MYO9A: variants seen among roughly 807,000 people sequenced by gnomAD.
MYO9A encodes myosin IXA.
Under a neutral mutation model 293.3 loss-of-function variants are expected in MYO9A, and 103 were observed. That is an observed-to-expected ratio of 0.35 (90% CI 0.30 to 0.41). The LOEUF (loss-of-function observed/expected upper bound fraction) is 0.41. MYO9A is among the 10% of genes least tolerant of loss of function. The pLI, the probability that MYO9A is intolerant of heterozygous loss-of-function variation, is 1.00. For missense variants in MYO9A, 2,685 were observed against 3,033.0 expected (o/e 0.89, Z 2.69); for synonymous variants, 1,001 against 1,035.7 (o/e 0.97, Z 0.64).
rs1437395082 is a variant in MYO9A at position 71,906,767 on chromosome 15, T to TTTTTC, written c.2686-1762_2686-1761insGAAAA. 1.7e-5 allele frequency among the ~76,000 whole-genome samples: 2 copies of TTTTTC among 117,312 alleles called. 1 individual carries two copies. The highest frequency in any genetic ancestry group is 6.7e-5 in the African/African-American group (2 of 29,820). 77.0% of individuals were successfully genotyped at this position (117,312 alleles called of 152,430 possible). On this transcript the variant is annotated intron_variant, in intron 19 of 41. Transcript: ENST00000356056. Reference sequence around the variant, plus strand: ...TAATATCCATTTCTTTCTTTTTTTTTTTTTTTTTTTTCCTGAGACAGTGTC... The same window carrying TTTTTC: ...TAATATCCATTTCTTTCTTTTTTTTTTTTTCTTTTTTTTTTTCCTGAGACAGTGTC...
chr15:71,893,735 T>C lies in MYO9A; in HGVS notation c.5086A>G (p.Lys1696Glu), dbSNP rs1192717787. 2 of 1,614,048 alleles carry C rather than the reference T, an allele frequency of 1.2e-6. No homozygotes were observed. Among genetic ancestry groups the C allele is most frequent in the South Asian group, 2.2e-5 (2 of 91,082 alleles). ...ALNSKNPQLHKEDEPAWKPVK... is the reference protein window; with the variant it reads ...ALNSKNPQLHEEDEPAWKPVK... ...GGTTTCCATGCTGGTTCATCTTCTT[T>C]ATGGAGTTGAGGATTTTTACTGTTT... The change falls in exon 26 of 42, where the codon AAA (lysine) becomes GAA (glutamate). Residue 1696 changes from lysine to glutamate, a missense_variant. Lys to Glu is a moderately conservative substitution (Grantham distance 56). Coordinates refer to ENST00000356056, the MANE Select transcript of MYO9A (RefSeq NM_006901.4).
At chr15:71,893,809 G>A (rs766235993) in intron 25 of MYO9A, 31 bp from the exon 26 acceptor site, 15 of 1,553,502 alleles carry the variant, frequency 9.7e-6, no homozygotes, top group Non-Finnish European at 1.2e-5. Flanking sequence ...TTACATTTCA[G>A]TTCTTAGCAG....
At chr15:71,974,906 T>C (rs1476567439) in intron 12 of MYO9A, among the ~76,000 whole-genome samples, 3 of 152,202 alleles carry the variant, frequency 2.0e-5, no homozygotes, top group Non-Finnish European at 4.4e-5. Flanking sequence ...GTTTGGGAAC[T>C]ACTGGAGAGG....
At chr15:71,947,828 A>G (rs2058956383) in intron 15 of MYO9A, among the ~76,000 whole-genome samples, 1 of 152,186 alleles carries the variant, frequency 6.6e-6, no homozygotes, top group South Asian at 2.1e-4. Context: ...GAAGGCCAAA[A>G]GAATGGGTTC....
chr15:71,919,573 A>G (rs1472166950), intron 18 of MYO9A, among the ~76,000 whole-genome samples: 6 of 152,006 alleles, frequency 3.9e-5, no homozygotes, highest in South Asian at 2.1e-4. Context: ...TGAATGAATT[A>G]AATACCTAGC....
At chr15:72,036,418 C>T (rs2078048405) in intron 2 of MYO9A, 1 of 152,062 alleles carries the variant, frequency 6.6e-6, no homozygotes, top group Admixed American at 6.6e-5. Flanking sequence ...ATTGCAAGAA[C>T]CCTTGGCAGA....
intron 9 of MYO9A, chr15:71,998,921 T>G (rs1366800293): frequency 6.6e-6 from 1 of 152,170 alleles, no homozygotes; most frequent in Admixed American, 6.5e-5. Context: ...TCATTTTTTA[T>G]GGCTGCATAG....
chr15:72,043,442 T>C (rs2078287401), intron 2 of MYO9A, among the ~76,000 whole-genome samples: 2 of 152,046 alleles, frequency 1.3e-5, no homozygotes, highest in African/African-American at 4.8e-5. Flanking sequence ...AACCCATATA[T>C]CCATCAATGA....
At chr15:72,076,848 CA>C (rs2079368691) in intron 1 of MYO9A, among the ~76,000 whole-genome samples, 1 of 152,070 alleles carries the variant, frequency 6.6e-6, no homozygotes, top group African/African-American at 2.4e-5. Context: ...TATAAAACTA[CA>C]GTAAATCAAG....
At chr15:72,067,870 C>A (rs545898544) in intron 1 of MYO9A, among the ~76,000 whole-genome samples, 1 of 152,066 alleles carries the variant, frequency 6.6e-6, no homozygotes, top group East Asian at 1.9e-4. Flanking sequence ...TATTAAAAAT[C>A]TTTTAAGGCT....
chr15:71,982,718 C>T (rs1007936389), intron 11 of MYO9A, among the ~76,000 whole-genome samples: 3 of 152,218 alleles, frequency 2.0e-5, no homozygotes, highest in African/African-American at 7.2e-5. Context: ...ACTTTTTGAA[C>T]ACTTATTCTA....
intron 13 of MYO9A, among the ~76,000 whole-genome samples, chr15:71,967,188 C>T (rs2075899498): frequency 6.6e-6 from 1 of 152,100 alleles, no homozygotes; most frequent in Non-Finnish European, 1.5e-5. Context: ...TAACACATAG[C>T]CCATTTATCT....
rs112177278 is a variant in MYO9A at position 71,999,866 on chromosome 15, T to C, written c.1455A>G (p.Pro485=). 3 of 1,612,106 alleles carry C rather than the reference T, an allele frequency of 1.9e-6. No individual in the cohort carries two copies. The highest frequency in any genetic ancestry group is 1.7e-6 in the Non-Finnish European group (2 of 1,179,226). Residue 485 remains proline, a synonymous_variant, in exon 9 of 42, where the codon CCA becomes CCG. Transcript: ENST00000356056. ...TVTVGEKLIL[P]YKLAEAVTVR... ...TCCATCATACCTCTGCCAACTTGTA[T>C]GGCAAAATAAGCTTTTCTCCCACTG...
chr15:71,961,781 AC>A (rs1403092201), intron 13 of MYO9A, among the ~76,000 whole-genome samples: 2 of 152,108 alleles, frequency 1.3e-5, no homozygotes, highest in Admixed American at 1.3e-4. Context: ...TGCAGTTGGC[AC>A]CATCATAGCT....
At chr15:71,906,206 A>T (rs1418092134) in intron 19 of MYO9A, among the ~76,000 whole-genome samples, 1 of 152,148 alleles carries the variant, frequency 6.6e-6, no homozygotes, top group Non-Finnish European at 1.5e-5. Context: ...TTTTAACTCA[A>T]AATTGTTAAG....
At chr15:72,019,916 A>AT (rs2077453126) in intron 5 of MYO9A, among the ~76,000 whole-genome samples, 1 of 151,868 alleles carries the variant, frequency 6.6e-6, no homozygotes, top group Non-Finnish European at 1.5e-5. Context: ...CACCTAGCTA[A>AT]TTTTTTTGTG....
intron 24 of MYO9A, 126 bp from the exon 25 acceptor site, chr15:71,899,158 T>A: frequency 1.2e-6 from 1 of 848,750 alleles, no homozygotes; most frequent in Non-Finnish European, 1.8e-6. Flanking sequence ...AAGTTCTTCT[T>A]AAACTAACTT....
At chr15:72,086,519 G>A (rs141705523) in intron 1 of MYO9A, among the ~76,000 whole-genome samples, 50 of 152,278 alleles carry the variant, frequency 3.3e-4, no homozygotes, top group African/African-American at 1.2e-3. Context: ...CCAGGGGAAG[G>A]GAGGCAGAGT....
intron 33 of MYO9A, 105 bp from the exon 34 acceptor site, chr15:71,859,901 T>C: frequency 1.1e-6 from 1 of 889,044 alleles, no homozygotes; most frequent in Admixed American, 2.2e-5. Context: ...TCTTTAAATC[T>C]CAGACTGCTG....
Sources: gnomAD v4.1 joint callset for allele counts (sites outside exome capture counted in the v4.1 genomes callset) on GRCh38, gnomAD v4.1.1 for gene constraint, MANE v1.5 for transcripts, NCBI Gene and HGNC (gene_info 2026-07-23, HGNC 2026-07-21) for gene names.